The following TAF1B variants were observed in gnomAD, a reference collection of about 807,000 sequenced individuals.
The protein encoded by TAF1B is TATA box-binding protein-associated factor RNA polymerase I subunit B.
TAF1B carries 61 observed loss-of-function variants against 83.9 expected under a neutral mutation model. The observed-to-expected ratio is 0.73, with a 90% CI of 0.59 to 0.90. The LOEUF is 0.90. Among genes scored for constraint, TAF1B ranks in the 40% least tolerant of loss-of-function variants. The pLI, the probability that TAF1B is intolerant of heterozygous loss-of-function variation, is 0.00. For synonymous variants in TAF1B, 221 were observed against 224.6 expected (o/e 0.98, Z 0.14); for missense variants, 625 against 677.0 (o/e 0.92, Z 0.85).
chr2:9,919,587 TCCGG>T lies in TAF1B; in HGVS notation c.1343-10_1343-7del, dbSNP rs1278313334. 2.5e-6 allele frequency: 4 copies of T among 1,607,842 alleles called. No homozygotes were observed. Among genetic ancestry groups the T allele is most frequent in the Admixed American group, 3.4e-5 (2 of 59,692 alleles). On this transcript the variant is annotated splice_polypyrimidine_tract_variant and splice_region_variant and intron_variant, in intron 13 of 14. Coordinates refer to ENST00000263663, the MANE Select transcript of TAF1B (RefSeq NM_005680.3). Reference sequence around the variant, plus strand: ...CTTGTTATTTTGTTTCCTTTTTTTCTCCGGTTCCAGAAATGGTGGTGAATCTACA... The same window carrying T: ...CTTGTTATTTTGTTTCCTTTTTTTCTTTCCAGAAATGGTGGTGAATCTACA...
At chr2:9,905,440 G>A (rs1217609923) in intron 9 of TAF1B, among the ~76,000 whole-genome samples, 4 of 152,034 alleles carry the variant, frequency 2.6e-5, no homozygotes, top group African/African-American at 9.7e-5. Context: ...TAACATTTTT[G>A]TTGCTTGGTA....
intron 8 of TAF1B, among the ~76,000 whole-genome samples, chr2:9,902,062 A>G (rs1010151066): frequency 6.6e-6 from 1 of 152,142 alleles, no homozygotes; most frequent in Non-Finnish European, 1.5e-5. Context: ...AATAAATATA[A>G]TACAGGGAAG....
At chr2:9,917,142 G>A (rs111762952) in intron 12 of TAF1B, among the ~76,000 whole-genome samples, 5 of 152,126 alleles carry the variant, frequency 3.3e-5, no homozygotes, top group East Asian at 1.9e-4. Flanking sequence ...CACTGCGCCC[G>A]ACTCCTTTCT....
At chr2:9,852,781 A>T (rs190565201) in intron 4 of TAF1B, among the ~76,000 whole-genome samples, 1 of 152,180 alleles carries the variant, frequency 6.6e-6, no homozygotes, top group Non-Finnish European at 1.5e-5. Context: ...CATGAGCCCC[A>T]GCACCTGGCC....
intron 5 of TAF1B, among the ~76,000 whole-genome samples, chr2:9,860,273 A>G (rs2125140608): frequency 6.6e-6 from 1 of 152,328 alleles, no homozygotes; most frequent in Middle Eastern, 3.4e-3. Context: ...TTAGATGTAA[A>G]AGTCTGCAGT....
intron 7 of TAF1B, among the ~76,000 whole-genome samples, chr2:9,877,680 T>C (rs1182192017): frequency 1.3e-5 from 2 of 152,128 alleles, no homozygotes; most frequent in Non-Finnish European, 2.9e-5. Context: ...GGGCTAGCCA[T>C]CCTACCCAGG....
At chr2:9,890,690 T>C (rs1159109110) in intron 8 of TAF1B, among the ~76,000 whole-genome samples, 2 of 152,242 alleles carry the variant, frequency 1.3e-5, no homozygotes, top group Non-Finnish European at 2.9e-5. Context: ...GTTTACCATG[T>C]GAAATGATTA....
At chr2:9,844,187 T>G (rs75176805) in intron 1 of TAF1B, among the ~76,000 whole-genome samples, 9,784 of 152,236 alleles carry the variant, frequency 0.064, 361 homozygotes, top group African/African-American at 0.085. Context: ...ATCTCACTTC[T>G]TCCCCCAGGC....
chr2:9,908,171 G>A (rs1415326975), intron 9 of TAF1B, among the ~76,000 whole-genome samples: 1 of 148,450 alleles, frequency 6.7e-6, no homozygotes, highest in Non-Finnish European at 1.5e-5. Flanking sequence ...TCAGCCTCCA[G>A]TGTAGCTGGG....
chr2:9,882,587 A>G, intron 7 of TAF1B, 119 bp from the exon 8 acceptor site: 2 of 556,246 alleles, frequency 3.6e-6, no homozygotes, highest in Non-Finnish European at 6.0e-6. Context: ...ATCGTGGGAA[A>G]TAGAATATGC....
rs1367244978 is a variant in TAF1B, at chr2:9,843,570, G to A, written c.18+11G>A. 3 of 1,521,118 alleles carry A rather than the reference G, an allele frequency of 2.0e-6. No homozygotes were observed. Among genetic ancestry groups the A allele is most frequent in the Admixed American group, 2.0e-5 (1 of 49,030 alleles). The allele number at this position is 1,521,118 out of a possible 1,614,324, so 94.2% of individuals were successfully genotyped here. A position where few individuals can be genotyped will look rare whatever the true frequency, so the allele number is the denominator to read the frequency against. Reference sequence around the variant, plus strand: ...GACCTCGAGGAGGCGGTAAGGAGGCGGTGCACCTGGCGGGCCACGATCGCC... The same window carrying A: ...GACCTCGAGGAGGCGGTAAGGAGGCAGTGCACCTGGCGGGCCACGATCGCC... On this transcript the variant is annotated intron_variant, in intron 1 of 14. Transcript: ENST00000263663.
At chr2:9,885,066 T>G (rs1321789974) in intron 8 of TAF1B, among the ~76,000 whole-genome samples, 3 of 152,224 alleles carry the variant, frequency 2.0e-5, no homozygotes, top group East Asian at 3.8e-4. Context: ...AACAAATTCT[T>G]AGTATATCTT....
At chr2:9,854,722 TTAAAA>T (rs1385372391) in intron 5 of TAF1B, among the ~76,000 whole-genome samples, 1 of 152,246 alleles carries the variant, frequency 6.6e-6, no homozygotes, top group Admixed American at 6.5e-5. Flanking sequence ...CACTGTACTA[TTAAAA>T]TAATTTTTAA....
intron 1 of TAF1B, among the ~76,000 whole-genome samples, chr2:9,844,801 G>A (rs1339028859): frequency 6.6e-6 from 1 of 152,120 alleles, no homozygotes; most frequent in Non-Finnish European, 1.5e-5. Flanking sequence ...TGAATAAATC[G>A]AAACTTGAAA....
chr2:9,924,034 T>C (rs998810297), intron 14 of TAF1B, among the ~76,000 whole-genome samples: 9 of 152,238 alleles, frequency 5.9e-5, no homozygotes, highest in Non-Finnish European at 1.2e-4. Context: ...CAGTGAGTTA[T>C]ACATAGAGCT....
intron 6 of TAF1B, among the ~76,000 whole-genome samples, chr2:9,873,716 G>C (rs749505523): frequency 2.9e-5 from 4 of 135,930 alleles, no homozygotes; most frequent in South Asian, 2.3e-4. Context: ...AATCATACTT[G>C]TTTTCTTTTC....
At chr2:9,855,250 C>T (rs1221613701) in intron 5 of TAF1B, among the ~76,000 whole-genome samples, 2 of 152,230 alleles carry the variant, frequency 1.3e-5, no homozygotes, top group African/African-American at 4.8e-5. Context: ...CCTCCTCGGC[C>T]TCCCAAAGTG....
intron 8 of TAF1B, among the ~76,000 whole-genome samples, chr2:9,891,103 C>A (rs560027893): frequency 1.3e-5 from 2 of 152,322 alleles, no homozygotes; most frequent in East Asian, 3.9e-4. Context: ...ACAATACAGT[C>A]ATGTGCTGTA....
chr2:9,910,532 C>T (rs1156842627), intron 9 of TAF1B, among the ~76,000 whole-genome samples: 1 of 152,034 alleles, frequency 6.6e-6, no homozygotes. Flanking sequence ...TTTAGGAAGT[C>T]GGAATAGGGA....
Sources: gnomAD v4.1 joint callset for allele counts (sites outside exome capture counted in the v4.1 genomes callset) on GRCh38, gnomAD v4.1.1 for gene constraint, MANE v1.5 for transcripts, NCBI Gene and HGNC (gene_info 2026-07-23, HGNC 2026-07-21) for gene names.